UBASH3B: variants seen among roughly 807,000 people sequenced by gnomAD.
UBASH3B encodes the protein ubiquitin associated and SH3 domain containing B.
In UBASH3B, 37 loss-of-function variants were observed where a neutral mutation model predicts 83.4. The observed-to-expected ratio is 0.44, with a 90% CI of 0.34 to 0.58. The LOEUF is 0.58. UBASH3B is among the 20% of genes least tolerant of loss of function. UBASH3B has a pLI of 0.01. For missense variants in UBASH3B, 657 were observed against 827.2 expected, an observed-to-expected ratio of 0.79 and a Z score of 2.52; for synonymous variants, 304 against 318.3, an observed-to-expected ratio of 0.96 and a Z score of 0.48.
chr11:122,713,095 G>T, intron 1 of UBASH3B, among the ~76,000 whole-genome samples: 1 of 151,746 alleles, frequency 6.6e-6, no homozygotes, highest in Non-Finnish European at 1.5e-5. Flanking sequence ...TTTTAGTAGA[G>T]ACGGGGTTTC....
rs5795349 is a variant in UBASH3B, at chr11:122,814,233, AT to A, written c.*4356del. The A allele has an allele frequency of 0.17, 25,395 of 151,888 alleles. 2,266 individuals are homozygous for A. Among genetic ancestry groups the A allele is most frequent in the Admixed American group, 0.26 (3,912 of 15,196 alleles). The allele number at this position is 151,888 out of a possible 1,614,324, so 9.4% of individuals were successfully genotyped here. A position where few individuals can be genotyped will look rare whatever the true frequency, so the allele number is the denominator to read the frequency against. Reference sequence around the variant, plus strand: ...TCTTTCTCATTTATAAGGCTATTGTATTTTTTTTTGTATGTGATTCAGGTGT... The same window carrying A: ...TCTTTCTCATTTATAAGGCTATTGTATTTTTTTTGTATGTGATTCAGGTGT... On this transcript the variant is annotated 3_prime_UTR_variant, in exon 14 of 14. Transcript: ENST00000284273.
At chr11:122,727,791 T>C (rs1486755634) in intron 1 of UBASH3B, among the ~76,000 whole-genome samples, 2 of 152,198 alleles carry the variant, frequency 1.3e-5, no homozygotes, top group Non-Finnish European at 2.9e-5. Context: ...TGGGCTGTGA[T>C]TCAAAGCCTT....
chr11:122,741,246 A>T (rs1435843345), intron 1 of UBASH3B, among the ~76,000 whole-genome samples: 1 of 152,244 alleles, frequency 6.6e-6, no homozygotes, highest in Non-Finnish European at 1.5e-5. Flanking sequence ...AGTTCATAGA[A>T]TATTTTCATG....
chr11:122,657,135 ACACAAGGC>A (rs952304999), intron 1 of UBASH3B, among the ~76,000 whole-genome samples: 26 of 152,198 alleles, frequency 1.7e-4, no homozygotes, highest in Non-Finnish European at 7.3e-5. Flanking sequence ...TTAGGTGGGG[ACACAAGGC>A]CTGGCGTCCG....
chr11:122,811,213 G>A lies in UBASH3B; in HGVS notation c.*1327G>A, dbSNP rs1301408103. On this transcript the variant is annotated 3_prime_UTR_variant, in exon 14 of 14. Transcript: ENST00000284273. ...TTAATTGTGTGACTATCTGACTGTT[G>A]ATGGCCACAGATGATGGTCTCCTAT... 2 of 152,556 alleles carry A rather than the reference G, an allele frequency of 1.3e-5. No individual in the cohort carries two copies. Among genetic ancestry groups the A allele is most frequent in the Non-Finnish European group, 2.9e-5 (2 of 68,014 alleles). The allele number at this position is 152,556 out of a possible 1,614,324, so 9.5% of individuals were successfully genotyped here.
At chr11:122,780,755 A>G (rs1405413272) in intron 4 of UBASH3B, among the ~76,000 whole-genome samples, 1 of 152,146 alleles carries the variant, frequency 6.6e-6, no homozygotes, top group Non-Finnish European at 1.5e-5. Context: ...CAGGCATGAG[A>G]TGGTGTGAGC....
intron 1 of UBASH3B, among the ~76,000 whole-genome samples, chr11:122,657,504 G>C (rs1269482929): frequency 6.6e-6 from 1 of 152,042 alleles, no homozygotes; most frequent in Non-Finnish European, 1.5e-5. Context: ...GGCCAGGCTG[G>C]TCTCGAACTC....
At chr11:122,662,933 A>G (rs1863464866) in intron 1 of UBASH3B, among the ~76,000 whole-genome samples, 1 of 150,282 alleles carries the variant, frequency 6.7e-6, no homozygotes, top group African/African-American at 2.5e-5. Context: ...AACCCCTTGC[A>G]CACAGCTTCT....
chr11:122,786,689 C>CA (rs1170546851), intron 5 of UBASH3B, among the ~76,000 whole-genome samples: 1 of 152,184 alleles, frequency 6.6e-6, no homozygotes, highest in East Asian at 1.9e-4. Context: ...AAGTAGATGG[C>CA]AAACATAAAA....
intron 1 of UBASH3B, among the ~76,000 whole-genome samples, chr11:122,751,797 C>T (rs772238497): frequency 6.6e-6 from 1 of 152,178 alleles, no homozygotes; most frequent in Non-Finnish European, 1.5e-5. Flanking sequence ...AACTGTGCTC[C>T]ACATCACATC....
At chr11:122,805,755 C>T (rs6589955) in intron 11 of UBASH3B, among the ~76,000 whole-genome samples, 69,661 of 151,798 alleles carry the variant, frequency 0.46, 17,548 homozygotes, top group African/African-American at 0.64. Context: ...GCCCCCAGGC[C>T]GGTGAGGGAC....
chr11:122,714,764 G>A (rs1037727492), intron 1 of UBASH3B, among the ~76,000 whole-genome samples: 18 of 152,180 alleles, frequency 1.2e-4, no homozygotes, highest in African/African-American at 4.1e-4. Flanking sequence ...AGGCAGGGTA[G>A]GATGGTGTTG....
At chr11:122,763,976 C>A (rs1298905014) in intron 1 of UBASH3B, among the ~76,000 whole-genome samples, 1 of 152,190 alleles carries the variant, frequency 6.6e-6, no homozygotes, top group Admixed American at 6.5e-5. Context: ...TAAAAAGTAG[C>A]TGGACTTCCT....
chr11:122,794,847 G>A lies in UBASH3B; in HGVS notation c.1113+13G>A, dbSNP rs1185050615. The A allele has an allele frequency of 6.2e-7, 1 of 1,612,998 alleles. No homozygotes were observed. The highest frequency in any genetic ancestry group is 8.5e-7 in the Non-Finnish European group (1 of 1,179,908). ...CCAGCCCATGCAGGTAAGGCTGATT[G>A]CTAGGGTCACACCCCCAACTCTAAC... is the stretch of plus-strand genomic sequence containing the variant. On this transcript the variant is annotated intron_variant, in intron 7 of 13. Transcript: ENST00000284273.
intron 1 of UBASH3B, among the ~76,000 whole-genome samples, chr11:122,763,141 A>T (rs1860473965): frequency 6.6e-6 from 1 of 151,928 alleles, no homozygotes; most frequent in South Asian, 2.1e-4. Flanking sequence ...CTGTGCAAAA[A>T]CTCATTGATC....
At chr11:122,693,354 A>T (rs1459724760) in intron 1 of UBASH3B, among the ~76,000 whole-genome samples, 2 of 152,214 alleles carry the variant, frequency 1.3e-5, no homozygotes, top group East Asian at 3.9e-4. Context: ...AGGCCTGACA[A>T]TAAGTGTGTG....
rs140407764 is a variant in UBASH3B, at chr11:122,796,878, A to G, written c.1235-33A>G. The G allele has an allele frequency of 1.8e-3, 2,898 of 1,614,016 alleles. 33 individuals carry two copies. The African/African-American group carries it at 0.032, about 18-fold the overall frequency. On this transcript the variant is annotated intron_variant, in intron 8 of 13. Coordinates refer to ENST00000284273, the MANE Select transcript of UBASH3B (RefSeq NM_032873.5). ...GGAGTCCCAAGTAAACAAGAAATGT[A>G]TGTATCCTCTGTCTAACCTCTTTGT...
intron 1 of UBASH3B, among the ~76,000 whole-genome samples, chr11:122,753,551 T>A (rs1159645951): frequency 7.1e-6 from 1 of 141,382 alleles, no homozygotes; most frequent in African/African-American, 2.7e-5. Flanking sequence ...CAGGCTGGAG[T>A]GAAATGGCGA....
At chr11:122,792,441 C>T (rs1380378401) in intron 6 of UBASH3B, among the ~76,000 whole-genome samples, 1 of 151,926 alleles carries the variant, frequency 6.6e-6, no homozygotes, top group African/African-American at 2.4e-5. Context: ...GCCTCAGCCC[C>T]CCGAGTAGCC....
Sources: allele counts gnomAD v4.1 joint callset (sites outside exome capture counted in the v4.1 genomes callset), GRCh38; gene constraint gnomAD v4.1.1; transcripts MANE v1.5; gene names NCBI Gene and HGNC (gene_info 2026-07-23, HGNC 2026-07-21).